The following SLC38A9 variants were observed in gnomAD, a reference collection of about 807,000 sequenced individuals.
SLC38A9 encodes solute carrier family 38 member 9, also known as neutral amino acid transporter 9.
A neutral mutation model predicts 62.3 loss-of-function variants in SLC38A9; 48 were observed. The ratio of observed to expected loss-of-function variants is 0.77; its 90% confidence interval spans 0.61 to 0.98. The LOEUF is 0.98. Among genes scored for constraint, SLC38A9 ranks in the 50% least tolerant of loss-of-function variants. The pLI is 0.00. For synonymous variants in SLC38A9, 204 were observed against 227.7 expected (o/e 0.90, Z 0.94); for missense variants, 541 against 679.8 (o/e 0.80, Z 2.27).
chr5:55,639,093 G>A (rs534648553), intron 12 of SLC38A9, among the ~76,000 whole-genome samples: 4 of 151,978 alleles, frequency 2.6e-5, no homozygotes, highest in East Asian at 3.9e-4. Context: ...CGAGGCGGGC[G>A]GATCACCCCA....
At chr5:55,658,243 T>G (rs1748812917) in intron 8 of SLC38A9, among the ~76,000 whole-genome samples, 1 of 152,166 alleles carries the variant, frequency 6.6e-6, no homozygotes. Context: ...AACCTCCACC[T>G]CCCAGGTTCA....
chr5:55,705,760 T>C (rs1580450390), intron 2 of SLC38A9, among the ~76,000 whole-genome samples: 1 of 151,024 alleles, frequency 6.6e-6, no homozygotes, highest in African/African-American at 2.4e-5. Flanking sequence ...CAGGCTGGAG[T>C]GCAGTGGCAC....
At chr5:55,704,637 A>G (rs1262221558) in intron 2 of SLC38A9, among the ~76,000 whole-genome samples, 1 of 152,220 alleles carries the variant, frequency 6.6e-6, no homozygotes, top group Non-Finnish European at 1.5e-5. Flanking sequence ...TTTAATATTG[A>G]TAAGTAGCCA....
chr5:55,646,031 T>G, intron 11 of SLC38A9, 136 bp from the exon 12 acceptor site: 1 of 620,362 alleles, frequency 1.6e-6, no homozygotes, highest in South Asian at 2.1e-5. Flanking sequence ...CTTTACAAAG[T>G]TCCTCGAGGC....
At position 55,644,718 on chromosome 5, in the gene SLC38A9, C is replaced by T. The variant is rs1407670559; in HGVS notation, c.1167+1071G>A. 3.3e-5 allele frequency among the ~76,000 whole-genome samples: 5 copies of T among 152,118 alleles called. No homozygotes were observed. The South Asian group carries it at 6.2e-4, about 19-fold the overall frequency. ...ACAGGCGTGAGCCACCATGCCCAGC[C>T]GCATTATTATTATTATACTTTAAGT... On this transcript the variant is annotated intron_variant, in intron 12 of 15. Coordinates refer to ENST00000396865, the MANE Select transcript of SLC38A9 (RefSeq NM_173514.4).
At chr5:55,679,016 G>T (rs909267855) in intron 3 of SLC38A9, among the ~76,000 whole-genome samples, 1 of 151,920 alleles carries the variant, frequency 6.6e-6, no homozygotes, top group Admixed American at 6.6e-5. Flanking sequence ...AAATAATAAA[G>T]ACTATTACAA....
At chr5:55,648,809 A>T (rs1413035480) in intron 11 of SLC38A9, among the ~76,000 whole-genome samples, 1 of 152,208 alleles carries the variant, frequency 6.6e-6, no homozygotes, top group Non-Finnish European at 1.5e-5. Flanking sequence ...TGATTTGAGC[A>T]CTACACATTG....
At chr5:55,627,167 G>C (rs1742586306) in intron 15 of SLC38A9, among the ~76,000 whole-genome samples, 1 of 152,044 alleles carries the variant, frequency 6.6e-6, no homozygotes, top group African/African-American at 2.4e-5. Context: ...TCTATACTTG[G>C]GTTTTCTTGA....
At chr5:55,696,659 G>C (rs1206008627) in intron 3 of SLC38A9, 1 of 51,000 alleles carries the variant, frequency 2.0e-5, no homozygotes, top group Admixed American at 1.8e-4. Context: ...GGGCAGAGGC[G>C]CCCCTCACCT....
chr5:55,680,551 T>C (rs1031994621), intron 3 of SLC38A9, among the ~76,000 whole-genome samples: 1 of 152,246 alleles, frequency 6.6e-6, no homozygotes, highest in African/African-American at 2.4e-5. Context: ...AAGGCCCGTG[T>C]CAGATCAAAT....
At chr5:55,696,126 C>G (rs1580401585) in intron 3 of SLC38A9, 1 of 49,472 alleles carries the variant, frequency 2.0e-5, no homozygotes, top group African/African-American at 5.7e-5. Context: ...GGGGGGCTGA[C>G]CCCCCCACCT....
chr5:55,663,655 C>T (rs891806528), intron 8 of SLC38A9, among the ~76,000 whole-genome samples: 2 of 152,088 alleles, frequency 1.3e-5, no homozygotes, highest in African/African-American at 4.8e-5. Flanking sequence ...ATCACTTGAA[C>T]CTGGGAGGTG....
chr5:55,701,472 G>C (rs1244340211), intron 2 of SLC38A9, among the ~76,000 whole-genome samples: 1 of 152,146 alleles, frequency 6.6e-6, no homozygotes, highest in Non-Finnish European at 1.5e-5. Flanking sequence ...AACCCATTAG[G>C]AAATCTTATT....
intron 8 of SLC38A9, among the ~76,000 whole-genome samples, chr5:55,664,148 A>C (rs1750075176): frequency 6.6e-6 from 1 of 151,722 alleles, no homozygotes; most frequent in South Asian, 2.1e-4. Flanking sequence ...AAGAAAAAAA[A>C]ATTCATTAAT....
At chr5:55,692,139 T>A (rs543677231) in intron 3 of SLC38A9, among the ~76,000 whole-genome samples, 8 of 152,204 alleles carry the variant, frequency 5.3e-5, no homozygotes, top group Non-Finnish European at 1.0e-4. Context: ...GAATAAATGC[T>A]ATTTAAACTA....
intron 3 of SLC38A9, among the ~76,000 whole-genome samples, chr5:55,680,867 C>T (rs1752899926): frequency 6.6e-6 from 1 of 152,236 alleles, no homozygotes; most frequent in African/African-American, 2.4e-5. Flanking sequence ...GTAGCCTGAT[C>T]AGAATCTATT....
chr5:55,635,163 T>C (rs1238660274), intron 13 of SLC38A9: 1 of 194,376 alleles, frequency 5.1e-6, no homozygotes, highest in Admixed American at 5.5e-5. Context: ...CTTTTAAAAA[T>C]AGGGAGTTCC....
At chr5:55,702,607 T>C (rs1450599439) in intron 2 of SLC38A9, 1 of 152,150 alleles carries the variant, frequency 6.6e-6, no homozygotes, top group Non-Finnish European at 1.5e-5. Flanking sequence ...TGTATTATCA[T>C]TTCCATCAAA....
chr5:55,665,981 A>G (rs899674042), intron 7 of SLC38A9, among the ~76,000 whole-genome samples: 2 of 152,216 alleles, frequency 1.3e-5, no homozygotes, highest in Admixed American at 1.3e-4. Context: ...AAATATTTTT[A>G]GAAGAGTATT....
Sources: gnomAD v4.1 joint callset for allele counts (sites outside exome capture counted in the v4.1 genomes callset) on GRCh38, gnomAD v4.1.1 for gene constraint, MANE v1.5 for transcripts, NCBI Gene and HGNC (gene_info 2026-07-23, HGNC 2026-07-21) for gene names.